The following GLDC variants were observed in gnomAD, a reference collection of about 807,000 sequenced individuals.
GLDC encodes the protein glycine dehydrogenase (decarboxylating), mitochondrial.
In GLDC, 104 loss-of-function variants were observed where a neutral mutation model predicts 121.3. That is an observed-to-expected ratio of 0.86 (90% CI 0.73 to 1.01). The LOEUF is 1.01. GLDC is among the 50% of genes least tolerant of loss of function. The pLI is 0.00. For synonymous variants in GLDC, 546 were observed against 480.6 expected, an observed-to-expected ratio of 1.14 and a Z score of -1.78; for missense variants, 1,429 against 1,306.6, an observed-to-expected ratio of 1.09 and a Z score of -1.44.
chr9:6,558,864 CAA>C (rs958539291), intron 16 of GLDC, among the ~76,000 whole-genome samples, 180 bp from the exon 17 acceptor site: 1 of 152,040 alleles, frequency 6.6e-6, no homozygotes, highest in East Asian at 1.9e-4. Context: ...AAGCAATGTC[CAA>C]AAAAAGTTTC....
chr9:6,618,252 A>T (rs1415995303), intron 3 of GLDC, among the ~76,000 whole-genome samples: 1 of 152,184 alleles, frequency 6.6e-6, no homozygotes, highest in Non-Finnish European at 1.5e-5. Flanking sequence ...ACCAATCCAA[A>T]AAGATGGGAA....
intron 15 of GLDC, among the ~76,000 whole-genome samples, chr9:6,578,458 T>A (rs1818114401): frequency 6.6e-6 from 1 of 152,170 alleles, no homozygotes; most frequent in African/African-American, 2.4e-5. Context: ...CTATAAACTT[T>A]CCTGTTAGCA....
chr9:6,626,557 T>C (rs1819241829), intron 2 of GLDC, among the ~76,000 whole-genome samples: 1 of 152,226 alleles, frequency 6.6e-6, no homozygotes, highest in South Asian at 2.1e-4. Context: ...TCTTCATTTA[T>C]ACTAATTGGC....
Position 6,588,760 on chromosome 9 carries a change from T to A in GLDC, c.1581-58A>T, listed in dbSNP as rs556408903. On this transcript the variant is annotated intron_variant, in intron 12 of 24. Transcript: ENST00000321612. ...AAAAGTAGATATGAGTCCATGCACA[T>A]CCTCCTGACATATAAGACACACCGA... 60 of 988,458 alleles carry A rather than the reference T, an allele frequency of 6.1e-5. 1 individual carries two copies. In the East Asian group the frequency reaches 1.2e-3, roughly 20 times the overall value. 61.2% of individuals were successfully genotyped at this position (988,458 alleles called of 1,614,324 possible).
chr9:6,595,085 A>C lies in GLDC; in HGVS notation c.1190T>G (p.Ile397Ser). The change falls in exon 9 of 25, where the codon ATC (isoleucine) becomes AGC (serine). Residue 397 changes from isoleucine to serine, a missense_variant. Physicochemically the swap from Ile to Ser is moderately radical, Grantham distance 142. Transcript: ENST00000321612. The stretch of plus-strand genomic sequence containing the variant: ...CTCCAGCCCATGGGAACCATGGTAG[A>C]TTGCAAACATGGCAGCCATATTCGC... ...LLANMAAMFA[I>S]YHGSHGLEHI... The C allele has an allele frequency of 6.2e-7, 1 of 1,613,082 alleles. No homozygotes were observed. Among genetic ancestry groups the C allele is most frequent in the South Asian group, 1.1e-5 (1 of 91,060 alleles).
chr9:6,578,487 G>T (rs990596390), intron 15 of GLDC, among the ~76,000 whole-genome samples: 1 of 152,048 alleles, frequency 6.6e-6, no homozygotes. Flanking sequence ...GCTACAGCCC[G>T]TGATGTTTGA....
chr9:6,543,169 G>A (rs1314616332), intron 21 of GLDC, among the ~76,000 whole-genome samples: 1 of 150,698 alleles, frequency 6.6e-6, no homozygotes, highest in Non-Finnish European at 1.5e-5. Flanking sequence ...CAGCTACTTG[G>A]GAGGCTGAGG....
At chr9:6,591,968 G>A in intron 11 of GLDC, 175 bp downstream of exon 11, 1 of 651,132 alleles carries the variant, frequency 1.5e-6, no homozygotes. Context: ...GAGCCCTACA[G>A]CAGTGACCTC....
At chr9:6,584,361 T>C (rs913712545) in intron 15 of GLDC, among the ~76,000 whole-genome samples, 37 of 152,224 alleles carry the variant, frequency 2.4e-4, no homozygotes. Context: ...TGTTTCTTCT[T>C]ACAAAAAATG....
chr9:6,611,426 C>T (rs59411654), intron 3 of GLDC, among the ~76,000 whole-genome samples: 68 of 151,962 alleles, frequency 4.5e-4, no homozygotes, highest in South Asian at 1.2e-3. Flanking sequence ...CGTGGTGGCA[C>T]GTGCCTGTAG....
chr9:6,552,037 A>C (rs1356921167), intron 20 of GLDC, among the ~76,000 whole-genome samples: 2 of 152,260 alleles, frequency 1.3e-5, no homozygotes, highest in East Asian at 3.9e-4. Context: ...CGTGCAGGCT[A>C]GTGAGAACCA....
chr9:6,639,525 C>A, intron 2 of GLDC: 2 of 802,730 alleles, frequency 2.5e-6, no homozygotes, highest in South Asian at 2.7e-5. Context: ...CACCCTGATT[C>A]GGCCTGATGG....
intron 8 of GLDC, among the ~76,000 whole-genome samples, chr9:6,598,638 G>C (rs1818538799): frequency 1.3e-5 from 2 of 152,206 alleles, no homozygotes; most frequent in East Asian, 3.9e-4. Flanking sequence ...AGACTTGCAT[G>C]CTCACAAAGA....
chr9:6,605,714 C>A (rs1818716589), intron 5 of GLDC, among the ~76,000 whole-genome samples: 1 of 152,186 alleles, frequency 6.6e-6, no homozygotes, highest in Admixed American at 6.5e-5. Flanking sequence ...CAGAAACCCC[C>A]CCTCTGAAGG....
At chr9:6,558,755 T>G in intron 16 of GLDC, 71 bp from the exon 17 acceptor site, 1 of 1,525,406 alleles carries the variant, frequency 6.6e-7, no homozygotes, top group Non-Finnish European at 9.1e-7. Context: ...AGAAAAGTAC[T>G]ACAACATGCT....
intron 15 of GLDC, among the ~76,000 whole-genome samples, chr9:6,576,482 T>G (rs1818067565): frequency 6.6e-6 from 1 of 152,196 alleles, no homozygotes. Flanking sequence ...CTTATTTTTT[T>G]TGAGATGGGG....
chr9:6,546,742 A>T (rs921392328), intron 21 of GLDC, among the ~76,000 whole-genome samples: 1 of 151,788 alleles, frequency 6.6e-6, no homozygotes, highest in Non-Finnish European at 1.5e-5. Flanking sequence ...TGGGAGGATC[A>T]CCTGAGGTCA....
At chr9:6,606,138 T>A (rs1197324450) in intron 5 of GLDC, 1 of 191,808 alleles carries the variant, frequency 5.2e-6, no homozygotes, top group Non-Finnish European at 1.1e-5. Context: ...AAACTCCGTC[T>A]CTACTAAAAA....
chr9:6,554,669 A>G lies in GLDC; in HGVS notation c.2315T>C (p.Val772Ala). 1.2e-6 allele frequency: 2 copies of G among 1,604,086 alleles called. No homozygotes were observed. Among genetic ancestry groups the G allele is most frequent in the East Asian group, 2.2e-5 (1 of 44,822 alleles). The part of the protein sequence containing the change: ...GGGPGMGPIG[V>A]KKHLAPFLPN... Reference sequence around the variant, plus strand: ...CTGAAACCAGCAGCCCAGAACTTACACTCCGATGGGCCCCATGCCAGGACC... The same window carrying G: ...CTGAAACCAGCAGCCCAGAACTTACGCTCCGATGGGCCCCATGCCAGGACC... Residue 772 changes from valine to alanine, a missense_variant and splice_region_variant, in exon 19 of 25, where the codon GTG becomes GCG. Coordinates refer to ENST00000321612, the MANE Select transcript of GLDC (RefSeq NM_000170.3).
Sources: allele counts gnomAD v4.1 joint callset (sites outside exome capture counted in the v4.1 genomes callset), GRCh38; gene constraint gnomAD v4.1.1; transcripts MANE v1.5; gene names NCBI Gene and HGNC (gene_info 2026-07-23, HGNC 2026-07-21).